Variants in CSMD1 observed in about 807,000 individuals in gnomAD.
The protein encoded by CSMD1 is CUB and Sushi multiple domains 1, also known as CUB and sushi domain-containing protein 1.
In CSMD1, 213 loss-of-function variants were observed where a neutral mutation model predicts 417.5. That is an observed-to-expected ratio of 0.51 (90% CI 0.46 to 0.57). CSMD1 has a LOEUF of 0.57. CSMD1 is among the 20% of genes least tolerant of loss of function. The probability of loss-of-function intolerance (pLI) is 0.00; values close to 1 mark genes in which losing one functional copy is unlikely to be tolerated. For synonymous variants in CSMD1, 2,862 were observed against 1,736.8 expected (o/e 1.65, Z -16.11); for missense variants, 6,923 against 4,529.7 (o/e 1.53, Z -15.17).
At chr8:4,620,844 G>C (rs1286011458) in intron 2 of CSMD1, among the ~76,000 whole-genome samples, 1 of 151,332 alleles carries the variant, frequency 6.6e-6, no homozygotes, top group Non-Finnish European at 1.5e-5. Context: ...ATAAGAAAAA[G>C]GAGACTAAAC....
intron 52 of CSMD1, among the ~76,000 whole-genome samples, chr8:3,005,573 C>A (rs1318128487): frequency 4.6e-5 from 7 of 152,190 alleles, no homozygotes; most frequent in African/African-American, 9.6e-5. Context: ...GCTTATCCAC[C>A]ATGATCAAGT....
chr8:4,779,770 T>C (rs1797055369), intron 1 of CSMD1, among the ~76,000 whole-genome samples: 1 of 152,212 alleles, frequency 6.6e-6, no homozygotes, highest in South Asian at 2.1e-4. Flanking sequence ...GGTTTGCTGA[T>C]GCCAGAGCCC....
chr8:3,589,810 T>G (rs1800769357), intron 8 of CSMD1, among the ~76,000 whole-genome samples: 1 of 152,298 alleles, frequency 6.6e-6, no homozygotes, highest in South Asian at 2.1e-4. Flanking sequence ...TAGCTTGATT[T>G]GACCATTTCA....
At chr8:4,813,787 G>C (rs984398808) in intron 1 of CSMD1, among the ~76,000 whole-genome samples, 2 of 152,188 alleles carry the variant, frequency 1.3e-5, no homozygotes, top group Non-Finnish European at 2.9e-5. Context: ...TGTTGCTTGA[G>C]AATGTCTAGG....
chr8:3,907,390 G>A (rs1012696240), intron 5 of CSMD1, among the ~76,000 whole-genome samples: 1 of 152,238 alleles, frequency 6.6e-6, no homozygotes, highest in South Asian at 2.1e-4. Flanking sequence ...TCTAAATGGG[G>A]TAATTTAGGT....
At position 3,210,750 on chromosome 8, in the gene CSMD1, G is replaced by A. The variant is rs1470549687; in HGVS notation, c.4867+3747C>T. ...TACTTTTTCTTTAGCCACAGAAAAG[G>A]TATTTTTCCTATGGCTAATACTTTA... is the stretch of plus-strand genomic sequence containing the variant. On this transcript the variant is annotated intron_variant, in intron 30 of 69. Transcript: ENST00000635120. Among the ~76,000 whole-genome samples, 47 of 150,562 alleles carry A rather than the reference G, an allele frequency of 3.1e-4. 2 individuals carry two copies. Among genetic ancestry groups the A allele is most frequent in the Non-Finnish European group, 1.5e-5 (1 of 67,694 alleles).
At position 4,345,039 on chromosome 8, in the gene CSMD1, G is replaced by A. The variant is rs558312179; in HGVS notation, c.415+74914C>T. Among the ~76,000 whole-genome samples, 7 of 152,170 alleles carry A rather than the reference G, an allele frequency of 4.6e-5. No homozygotes were observed. The South Asian group carries it at 1.5e-3, about 32-fold the overall frequency. ...AGGCAGCATCACACCATAACATCAA[G>A]CTCAGAATTCTGTGATTAAGTCAGT... On this transcript the variant is annotated intron_variant, in intron 3 of 69. Transcript: ENST00000635120.
chr8:3,773,097 C>G (rs527733772), intron 5 of CSMD1, among the ~76,000 whole-genome samples: 1 of 152,122 alleles, frequency 6.6e-6, no homozygotes, highest in Non-Finnish European at 1.5e-5. Flanking sequence ...ATCACACTCA[C>G]GAGGGCTCTG....
chr8:4,254,772 A>T (rs891442044), intron 3 of CSMD1, among the ~76,000 whole-genome samples: 2 of 152,156 alleles, frequency 1.3e-5, no homozygotes, highest in African/African-American at 4.8e-5. Context: ...ACAGTTGCCT[A>T]CAGTCTGCAG....
At chr8:3,634,146 A>T (rs1796919809) in intron 7 of CSMD1, among the ~76,000 whole-genome samples, 1 of 152,040 alleles carries the variant, frequency 6.6e-6, no homozygotes, top group African/African-American at 2.4e-5. Context: ...TAGCCTCTAA[A>T]CCCTTGGAAT....
chr8:4,834,047 C>G (rs772244194), intron 1 of CSMD1, among the ~76,000 whole-genome samples: 5 of 152,110 alleles, frequency 3.3e-5, no homozygotes, highest in Non-Finnish European at 7.3e-5. Context: ...CAGTAGGTGC[C>G]ACCATTAGCA....
At chr8:4,395,173 C>A (rs1396181461) in intron 3 of CSMD1, among the ~76,000 whole-genome samples, 1 of 152,162 alleles carries the variant, frequency 6.6e-6, no homozygotes, top group Non-Finnish European at 1.5e-5. Context: ...TTAGAACAAC[C>A]CCTCCTCTTT....
intron 7 of CSMD1, among the ~76,000 whole-genome samples, chr8:3,667,928 G>T (rs1798787171): frequency 6.6e-6 from 1 of 152,118 alleles, no homozygotes; most frequent in Non-Finnish European, 1.5e-5. Flanking sequence ...AGACACCACT[G>T]GTGCCAATTC....
intron 1 of CSMD1, among the ~76,000 whole-genome samples, chr8:4,705,381 G>C (rs969863325): frequency 2.0e-5 from 3 of 152,186 alleles, no homozygotes; most frequent in East Asian, 3.9e-4. Flanking sequence ...ACAACCCAGC[G>C]TCTATCAAGA....
chr8:3,770,650 C>T (rs1464109343), intron 5 of CSMD1, among the ~76,000 whole-genome samples: 1 of 152,136 alleles, frequency 6.6e-6, no homozygotes, highest in African/African-American at 2.4e-5. Context: ...GTTTTTAGTG[C>T]TTTTTCCCAT....
chr8:3,154,978 A>G lies in CSMD1; in HGVS notation c.5914+2919T>C, dbSNP rs1414285165. Among the ~76,000 whole-genome samples the G allele has an allele frequency of 2.0e-5, 3 of 152,194 alleles. No individual in the cohort carries two copies. In the East Asian group the frequency reaches 5.8e-4, roughly 29 times the overall value. ...CTGTCTTTGAGATTTATCATGGGTC[A>G]TGTGTGAGTTTTTAAAACAATGAAA... On this transcript the variant is annotated intron_variant, in intron 39 of 69. Coordinates refer to ENST00000635120, the MANE Select transcript of CSMD1 (RefSeq NM_033225.6).
intron 3 of CSMD1, among the ~76,000 whole-genome samples, chr8:4,134,167 T>G (rs896065170): frequency 1.3e-5 from 2 of 152,324 alleles, no homozygotes; most frequent in South Asian, 2.1e-4. Context: ...ATGTGTATGT[T>G]TGACTATTTA....
rs867042005 is a variant in CSMD1, at chr8:3,394,059, A to T, written c.2593+2135T>A. ...ATATATATATATATATATATATAGA[A>T]AAAAAGAAAAATGGCAAAGAGCTTT... On this transcript the variant is annotated intron_variant, in intron 17 of 69. Transcript: ENST00000635120. Among the ~76,000 whole-genome samples the T allele has an allele frequency of 4.1e-3, 478 of 115,344 alleles. 4 individuals carry two copies. The highest frequency in any genetic ancestry group is 5.3e-3 in the Non-Finnish European group (276 of 51,878). 75.7% of individuals were successfully genotyped at this position (115,344 alleles called of 152,430 possible).
chr8:4,282,288 C>A (rs1036366715), intron 3 of CSMD1, among the ~76,000 whole-genome samples: 2 of 152,240 alleles, frequency 1.3e-5, no homozygotes, highest in Non-Finnish European at 2.9e-5. Context: ...ACAGATAGAA[C>A]TGATGAAGCT....
Sources: gnomAD v4.1 joint callset for allele counts (sites outside exome capture counted in the v4.1 genomes callset) on GRCh38, gnomAD v4.1.1 for gene constraint, MANE v1.5 for transcripts, NCBI Gene and HGNC (gene_info 2026-07-23, HGNC 2026-07-21) for gene names.